The following LRIG1 variants were observed in gnomAD, a reference collection of about 807,000 sequenced individuals.
LRIG1 encodes the protein leucine-rich repeats and immunoglobulin-like domains protein 1.
Under a neutral mutation model 99.2 loss-of-function variants are expected in LRIG1, and 48 were observed. The observed-to-expected ratio is 0.48, with a 90% confidence interval of 0.38 to 0.62. The LOEUF (loss-of-function observed/expected upper bound fraction) is 0.62, where lower values mean the gene tolerates loss of function less well. Ranked by LOEUF, LRIG1 falls within the 20% of genes least tolerant of loss-of-function variation. The pLI, the probability that LRIG1 is intolerant of heterozygous loss-of-function variation, is 0.00. For synonymous variants in LRIG1, 772 were observed against 596.1 expected, an observed-to-expected ratio of 1.29 and a Z score of -4.30; for missense variants, 1,646 against 1,434.4, an observed-to-expected ratio of 1.15 and a Z score of -2.38.
chr3:66,451,125 T>C (rs1300005909), intron 3 of LRIG1, among the ~76,000 whole-genome samples: 2 of 152,150 alleles, frequency 1.3e-5, no homozygotes, highest in Non-Finnish European at 2.9e-5. Flanking sequence ...TCCAGAGGCC[T>C]GGGGGCACTT....
In LRIG1 at chr3:66,415,093, G is replaced by C. The variant is rs548831199; in HGVS notation, c.504-30C>G. ...AATGATTCAGAAAAGAAAATGTGGT[G>C]GTTGGTCAAAGGCCTTCCTCATTTC... On this transcript the variant is annotated intron_variant, in intron 4 of 18. Coordinates refer to ENST00000273261, the MANE Select transcript of LRIG1 (RefSeq NM_015541.3). 2.5e-6 allele frequency: 4 copies of C among 1,573,072 alleles called. No homozygotes were observed. The African/African-American group carries it at 4.1e-5, about 16-fold the overall frequency.
rs140051529 is a variant in LRIG1, at chr3:66,380,635, G to C, written c.2997C>G (p.Asn999Lys). 4.1e-4 allele frequency: 667 copies of C among 1,614,226 alleles called. 6 individuals are homozygous for C. In the Admixed American group the frequency reaches 7.7e-3, roughly 19 times the overall value. Residue 999 changes from asparagine to lysine, a missense_variant, in exon 18 of 19, where the codon AAC (asparagine) becomes AAG (lysine). Coordinates refer to ENST00000273261, the MANE Select transcript of LRIG1 (RefSeq NM_015541.3). ...PECQGSLYPSNHDRMLTAVKK... is the reference protein window; with the variant it reads ...PECQGSLYPSKHDRMLTAVKK... The stretch of plus-strand genomic sequence containing the variant: ...TCACAGCCGTCAGCATTCTATCGTG[G>C]TTACTGGGGTAGAGCGACCCTTGGC...
At chr3:66,398,307 A>G (rs2107981225) in intron 10 of LRIG1, 124 bp from the exon 11 acceptor site, 1 of 698,700 alleles carries the variant, frequency 1.4e-6, no homozygotes, top group Non-Finnish European at 2.5e-6. Context: ...AACTACTATA[A>G]GTGGCTGTTG....
intron 1 of LRIG1, among the ~76,000 whole-genome samples, chr3:66,491,846 T>C (rs563158375): frequency 7.8e-4 from 119 of 152,340 alleles, no homozygotes; most frequent in Non-Finnish European, 1.4e-3. Flanking sequence ...CATTACATTA[T>C]TCTGTCCACT....
At chr3:66,429,712 G>C (rs1413910410) in intron 3 of LRIG1, among the ~76,000 whole-genome samples, 1 of 151,806 alleles carries the variant, frequency 6.6e-6, no homozygotes. Flanking sequence ...AGTAATAATG[G>C]ATCGATATTG....
intron 1 of LRIG1, chr3:66,498,319 C>G (rs1410553868): frequency 1.3e-5 from 2 of 152,098 alleles, no homozygotes; most frequent in African/African-American, 2.4e-5. Context: ...AATGTCACTC[C>G]TAGGCAACAG....
Position 66,410,082 on chromosome 3 carries a change from A to T in LRIG1, c.935+47T>A, listed in dbSNP as rs781747314. The T allele has an allele frequency of 1.1e-4, 171 of 1,563,894 alleles. 1 individual carries two copies. Among genetic ancestry groups the T allele is most frequent in the Non-Finnish European group, 3.5e-6 (4 of 1,153,498 alleles). ...ACCAGGCCTAGCACTTTCACCTCCA[A>T]GCAGTGTCTAAAAACACTGCCACAG... On this transcript the variant is annotated intron_variant, in intron 7 of 18. Transcript: ENST00000273261.
intron 12 of LRIG1, chr3:66,386,537 G>A (rs1212123009): frequency 6.1e-6 from 3 of 490,838 alleles, no homozygotes; most frequent in Non-Finnish European, 1.1e-5. Flanking sequence ...TCCTTGATTA[G>A]AAATTAACCC....
chr3:66,449,950 C>T (rs538514704), intron 3 of LRIG1, among the ~76,000 whole-genome samples: 9 of 152,170 alleles, frequency 5.9e-5, no homozygotes, highest in Non-Finnish European at 1.0e-4. Context: ...CTAACAAGCT[C>T]GAAGCTAACT....
intron 8 of LRIG1, chr3:66,406,173 T>C: frequency 1.0e-6 from 1 of 985,508 alleles, no homozygotes; most frequent in Non-Finnish European, 1.2e-6. Flanking sequence ...AGTGAAATGC[T>C]GGCGGTGACC....
At chr3:66,468,517 A>G (rs1470306007) in intron 1 of LRIG1, among the ~76,000 whole-genome samples, 2 of 152,196 alleles carry the variant, frequency 1.3e-5, no homozygotes, top group Non-Finnish European at 2.9e-5. Flanking sequence ...TGAGCGCCAC[A>G]GTATTTTGCA....
intron 3 of LRIG1, among the ~76,000 whole-genome samples, chr3:66,431,982 C>T (rs35536602): frequency 0.026 from 3,969 of 152,298 alleles, 265 homozygotes; most frequent in Admixed American, 0.14. Flanking sequence ...AATCCCCACC[C>T]CATTTTGCAT....
At chr3:66,484,253 A>C (rs1043975225) in intron 1 of LRIG1, among the ~76,000 whole-genome samples, 1 of 151,392 alleles carries the variant, frequency 6.6e-6, no homozygotes, top group African/African-American at 2.4e-5. Context: ...GACTCTACAG[A>C]ATGAATGCCA....
At chr3:66,416,386 T>C (rs899213314) in intron 4 of LRIG1, among the ~76,000 whole-genome samples, 3 of 152,188 alleles carry the variant, frequency 2.0e-5, no homozygotes, top group Non-Finnish European at 2.9e-5. Context: ...GCCTTGCGAA[T>C]GCGTTCCAAA....
intron 13 of LRIG1, among the ~76,000 whole-genome samples, chr3:66,385,681 G>A (rs568424490): frequency 6.6e-6 from 1 of 152,290 alleles, no homozygotes; most frequent in South Asian, 2.1e-4. Context: ...TCGAACTCCT[G>A]GCTTCAAGTG....
At chr3:66,463,113 C>A (rs549308688) in intron 1 of LRIG1, among the ~76,000 whole-genome samples, 1 of 152,040 alleles carries the variant, frequency 6.6e-6, no homozygotes, top group Non-Finnish European at 1.5e-5. Flanking sequence ...GCACAGGCAG[C>A]CCTGCACGAC....
rs1295486829 is a variant in LRIG1, at chr3:66,410,185, A to G, written c.879T>C (p.Asn293=). 2 of 1,614,156 alleles carry G rather than the reference A, an allele frequency of 1.2e-6. No homozygotes were observed. Among genetic ancestry groups the G allele is most frequent in the South Asian group, 2.2e-5 (2 of 91,086 alleles). ...TALHQLHLSN[N]SIARIHRKGW... ...CCTTGCGGTGAATGCGAGCGATGGA[A>G]TTGTTGCTGAGGTGGAGCTGATGCA... is the stretch of plus-strand genomic sequence containing the variant. Residue 293 remains asparagine (N), a synonymous_variant, in exon 7 of 19, where the codon AAT becomes AAC. Transcript: ENST00000273261.
At chr3:66,416,746 T>A (rs1040198838) in intron 4 of LRIG1, among the ~76,000 whole-genome samples, 1 of 152,174 alleles carries the variant, frequency 6.6e-6, no homozygotes, top group Non-Finnish European at 1.5e-5. Flanking sequence ...CCAATGTGAA[T>A]CCTCTAACCA....
chr3:66,381,623 G>A lies in LRIG1; in HGVS notation c.2626C>T (p.Pro876Ser). 6.2e-7 allele frequency: 1 copy of A among 1,613,410 alleles called. No individual in the cohort carries two copies. The highest frequency in any genetic ancestry group is 8.5e-7 in the Non-Finnish European group (1 of 1,179,398). The change falls in exon 17 of 19, where the codon CCA becomes TCA. Residue 876 changes from proline (P) to serine (S), a missense_variant. Pro to Ser is a moderately conservative substitution (Grantham distance 74). Transcript: ENST00000273261. Reference sequence around the variant, plus strand: ...TCTGGAAAGTGGCTTGCATCTCTTGGACACACACCTGCAAGTGGATTCCAA... The same window carrying A: ...TCTGGAAAGTGGCTTGCATCTCTTGAACACACACCTGCAAGTGGATTCCAA... ...NGHIESNGVC[P>S]RDASHFPEPD...
Sources: allele counts gnomAD v4.1 joint callset (sites outside exome capture counted in the v4.1 genomes callset), GRCh38; gene constraint gnomAD v4.1.1; transcripts MANE v1.5; gene names NCBI Gene and HGNC (gene_info 2026-07-23, HGNC 2026-07-21).